Variants in METTL15 observed in about 807,000 individuals in gnomAD.
METTL15 encodes methyltransferase 15, mitochondrial 12S rRNA N4-cytidine, also known as 12S rRNA N(4)-cytidine methyltransferase METTL15.
In METTL15, 34 loss-of-function variants were observed where a neutral mutation model predicts 38.3. That is an observed-to-expected ratio of 0.89 (90% CI 0.68 to 1.18). The LOEUF (loss-of-function observed/expected upper bound fraction) is 1.18, where lower values mean the gene tolerates loss of function less well. METTL15 is among the 50% of genes most tolerant of loss of function. METTL15 has a pLI of 0.00. For synonymous variants in METTL15, 162 were observed against 170.9 expected (o/e 0.95, Z 0.41); for missense variants, 438 against 498.4 (o/e 0.88, Z 1.15).
Position 28,317,281 on chromosome 11 carries a change from C to G in METTL15, c.779-13115C>G, listed in dbSNP as rs147415276. ...GAGTAAAGCCAATTTTCTCCAGAAC[C>G]ATTCAAGTTCACAGATTTTAATTAA... On this transcript the variant is annotated intron_variant, in intron 6 of 6. Coordinates refer to ENST00000407364, the MANE Select transcript of METTL15 (RefSeq NM_001113528.2). Among the ~76,000 whole-genome samples, 3 of 152,084 alleles carry G rather than the reference C, an allele frequency of 2.0e-5. No homozygotes were observed. In the East Asian group the frequency reaches 5.8e-4, roughly 29 times the overall value.
intron 4 of METTL15, among the ~76,000 whole-genome samples, chr11:28,272,634 G>T (rs182083313): frequency 7.0e-4 from 106 of 152,218 alleles, no homozygotes; most frequent in African/African-American, 2.4e-3. Flanking sequence ...TGGTTGTTGG[G>T]TGCAGCAAAC....
At chr11:28,181,419 C>A (rs1219951419) in intron 3 of METTL15, among the ~76,000 whole-genome samples, 1 of 151,796 alleles carries the variant, frequency 6.6e-6, no homozygotes, top group African/African-American at 2.4e-5. Flanking sequence ...TACCTCACCC[C>A]CTGACAGAAC....
At chr11:28,221,625 C>A (rs894943046) in intron 4 of METTL15, among the ~76,000 whole-genome samples, 1 of 152,172 alleles carries the variant, frequency 6.6e-6, no homozygotes, top group African/African-American at 2.4e-5. Context: ...GGAGGAGAGG[C>A]ACTCTTATTT....
At chr11:28,432,118 GC>G (rs2133431920) in intron 6 of METTL15, among the ~76,000 whole-genome samples, 1 of 152,324 alleles carries the variant, frequency 6.6e-6, no homozygotes, top group East Asian at 1.9e-4. Flanking sequence ...TGTGTGCCAT[GC>G]AAGGAGTTAT....
chr11:28,354,998 A>G (rs372661013), intron 4 of METTL15, among the ~76,000 whole-genome samples: 48 of 152,268 alleles, frequency 3.2e-4, no homozygotes, highest in African/African-American at 1.1e-3. Flanking sequence ...ATGAGAGAGC[A>G]GGTGAAGAGT....
intron 6 of METTL15, among the ~76,000 whole-genome samples, chr11:28,521,340 T>C (rs1312528147): frequency 6.6e-6 from 1 of 152,202 alleles, no homozygotes; most frequent in Non-Finnish European, 1.5e-5. Flanking sequence ...AGTGCACTAT[T>C]TCTATGAGTA....
chr11:28,367,528 G>C (rs1204239674), intron 5 of METTL15, among the ~76,000 whole-genome samples: 1 of 152,152 alleles, frequency 6.6e-6, no homozygotes. Flanking sequence ...CTCATGGATA[G>C]TAATATACAG....
chr11:28,489,370 A>AT (rs1851474571), intron 6 of METTL15, among the ~76,000 whole-genome samples: 1 of 152,174 alleles, frequency 6.6e-6, no homozygotes, highest in Admixed American at 6.5e-5. Flanking sequence ...GTTAAATAAA[A>AT]TTGTCAGCTG....
chr11:28,149,085 A>AT (rs1315406082), intron 3 of METTL15, among the ~76,000 whole-genome samples: 6 of 151,380 alleles, frequency 4.0e-5, no homozygotes, highest in African/African-American at 1.2e-4. Context: ...AATACACTTT[A>AT]TTTTTTCTAT....
intron 6 of METTL15, among the ~76,000 whole-genome samples, chr11:28,507,808 T>G (rs911346101): frequency 2.2e-4 from 33 of 152,200 alleles, no homozygotes; most frequent in Admixed American, 2.0e-4. Context: ...ACTTCTCAAG[T>G]CCCTGAGACC....
intron 3 of METTL15, among the ~76,000 whole-genome samples, chr11:28,205,166 T>G (rs1348505122): frequency 6.6e-6 from 1 of 152,060 alleles, no homozygotes; most frequent in Non-Finnish European, 1.5e-5. Flanking sequence ...GCAGGTTAGT[T>G]ACATATGTAT....
At chr11:28,357,650 A>G (rs1850101454) in intron 4 of METTL15, among the ~76,000 whole-genome samples, 1 of 152,202 alleles carries the variant, frequency 6.6e-6, no homozygotes, top group East Asian at 1.9e-4. Flanking sequence ...GTAAGTGCTC[A>G]ATAAATATCA....
chr11:28,148,681 C>T (rs947090536), intron 3 of METTL15, among the ~76,000 whole-genome samples: 2 of 151,836 alleles, frequency 1.3e-5, no homozygotes, highest in African/African-American at 4.8e-5. Context: ...CCAATTTCCC[C>T]GATTGTCACA....
intron 6 of METTL15, among the ~76,000 whole-genome samples, chr11:28,317,594 T>C (rs1013463798): frequency 2.6e-5 from 4 of 152,216 alleles, no homozygotes; most frequent in African/African-American, 4.8e-5. Context: ...TATTAAATTT[T>C]AAAAAGTGTA....
intron 3 of METTL15, among the ~76,000 whole-genome samples, chr11:28,339,425 T>G (rs1849930274): frequency 1.3e-5 from 2 of 151,518 alleles, no homozygotes; most frequent in Non-Finnish European, 2.9e-5. Context: ...CTTTAAGAAC[T>G]CCATGGATTG....
intron 3 of METTL15, among the ~76,000 whole-genome samples, chr11:28,201,610 G>GGTGTGTGTGTGTGTGTGTGTGT (rs71050951): frequency 0.17 from 24,133 of 145,008 alleles, 2,212 homozygotes; most frequent in East Asian, 0.29. Flanking sequence ...GTCTTGGGAG[G>GGTGTGTGTGTGTGTGTGTGTGT]GTGTGTGTGT....
intron 4 of METTL15, among the ~76,000 whole-genome samples, chr11:28,239,565 G>T (rs1336827824): frequency 6.6e-6 from 1 of 152,134 alleles, no homozygotes; most frequent in Non-Finnish European, 1.5e-5. Flanking sequence ...CCCAGGACAA[G>T]TTATCCTTCT....
At chr11:28,131,110 A>C (rs1307479510) in intron 3 of METTL15, among the ~76,000 whole-genome samples, 2 of 152,064 alleles carry the variant, frequency 1.3e-5, no homozygotes, top group Non-Finnish European at 2.9e-5. Flanking sequence ...ACACATTTTC[A>C]GAATGCCCCC....
intron 6 of METTL15, among the ~76,000 whole-genome samples, chr11:28,485,626 G>A (rs922413908): frequency 6.6e-6 from 1 of 152,110 alleles, no homozygotes; most frequent in Non-Finnish European, 1.5e-5. Flanking sequence ...AGAGTAGAGA[G>A]TAGAAAAGAT....
Sources: gnomAD v4.1 joint callset for allele counts (sites outside exome capture counted in the v4.1 genomes callset) on GRCh38, gnomAD v4.1.1 for gene constraint, MANE v1.5 for transcripts, NCBI Gene and HGNC (gene_info 2026-07-23, HGNC 2026-07-21) for gene names.